The following GTF2IRD1 variants were observed in gnomAD, a reference collection of about 807,000 sequenced individuals.
GTF2IRD1 encodes general transcription factor II-I repeat domain-containing protein 1.
Under a neutral mutation model 113.2 loss-of-function variants are expected in GTF2IRD1, and 26 were observed. The observed-to-expected ratio is 0.23, with a 90% confidence interval of 0.17 to 0.32. The LOEUF is 0.32. GTF2IRD1 is among the 10% of genes least tolerant of loss of function. The pLI, the probability that GTF2IRD1 is intolerant of heterozygous loss-of-function variation, is 1.00. For missense variants in GTF2IRD1, 864 were observed against 1,280.8 expected, an observed-to-expected ratio of 0.67 and a Z score of 4.97; for synonymous variants, 484 against 529.1, an observed-to-expected ratio of 0.91 and a Z score of 1.17.
intron 22 of GTF2IRD1, among the ~76,000 whole-genome samples, chr7:74,573,413 A>T (rs1293278670): frequency 2.7e-4 from 41 of 152,106 alleles, no homozygotes; most frequent in Admixed American, 2.6e-3. Context: ...AAAAAAAAAA[A>T]AACGATTAAA....
At chr7:74,528,450 C>T (rs1797730263) in intron 8 of GTF2IRD1, among the ~76,000 whole-genome samples, 1 of 152,106 alleles carries the variant, frequency 6.6e-6, no homozygotes, top group Non-Finnish European at 1.5e-5. Context: ...CATTTCCCAA[C>T]AACTGTAGCC....
intron 1 of GTF2IRD1, among the ~76,000 whole-genome samples, chr7:74,499,210 C>T (rs1220940145): frequency 6.6e-6 from 1 of 152,228 alleles, no homozygotes; most frequent in African/African-American, 2.4e-5. Flanking sequence ...CCTACCAGGT[C>T]TCCAGCTCCT....
At chr7:74,491,118 C>T (rs1369252644) in intron 1 of GTF2IRD1, among the ~76,000 whole-genome samples, 2 of 151,412 alleles carry the variant, frequency 1.3e-5, no homozygotes, top group Non-Finnish European at 2.9e-5. Flanking sequence ...CCATTCTGGC[C>T]AACATGGTGA....
At chr7:74,490,821 G>A (rs1584507911) in intron 1 of GTF2IRD1, among the ~76,000 whole-genome samples, 2 of 152,218 alleles carry the variant, frequency 1.3e-5, no homozygotes, top group East Asian at 3.9e-4. Context: ...GCGCTTCCAA[G>A]GGGGAAGAGA....
rs78461626 is a variant in GTF2IRD1 at position 74,535,568 on chromosome 7, C to T, written c.1300+430C>T. On this transcript the variant is annotated intron_variant, in intron 10 of 26. Transcript: ENST00000424337. ...CCCTGCTGCATGCCCAGCAGTGTGA[C>T]TCCAGAGCCCATGCAGTGGCCCGTG... 2.6e-4 allele frequency among the ~76,000 whole-genome samples: 39 copies of T among 152,352 alleles called. No individual in the cohort carries two copies. In the East Asian group the frequency reaches 3.5e-3, roughly 14 times the overall value.
intron 22 of GTF2IRD1, among the ~76,000 whole-genome samples, chr7:74,578,066 A>G (rs1412338732): frequency 3.9e-5 from 6 of 152,150 alleles, no homozygotes; most frequent in Non-Finnish European, 7.4e-5. Flanking sequence ...CGGCCTCCCA[A>G]AGTGCTGAGA....
At chr7:74,502,619 G>C (rs1796089553) in intron 1 of GTF2IRD1, among the ~76,000 whole-genome samples, 1 of 152,240 alleles carries the variant, frequency 6.6e-6, no homozygotes, top group African/African-American at 2.4e-5. Context: ...GCCCTGCCTT[G>C]AGTCAGGGCA....
intron 1 of GTF2IRD1, among the ~76,000 whole-genome samples, chr7:74,470,430 AC>A (rs1554332035): frequency 6.7e-6 from 1 of 150,298 alleles, no homozygotes; most frequent in Admixed American, 6.7e-5. Flanking sequence ...ATTCCCCAGC[AC>A]CCCCCACTCC....
intron 16 of GTF2IRD1, 44 bp downstream of exon 16, chr7:74,545,853 C>G (rs782708651): frequency 7.1e-7 from 1 of 1,407,404 alleles, no homozygotes; most frequent in African/African-American, 1.4e-5. Context: ...CCCGGCCCCC[C>G]TCCAGCCGCC....
At chr7:74,481,292 C>T (rs782405804) in intron 1 of GTF2IRD1, among the ~76,000 whole-genome samples, 2 of 152,128 alleles carry the variant, frequency 1.3e-5, no homozygotes, top group African/African-American at 2.4e-5. Context: ...GTAGCTGTGA[C>T]GACAGGCGCG....
At position 74,595,409 on chromosome 7, in the gene GTF2IRD1, A is replaced by G. The variant is rs374832390; in HGVS notation, c.2629+358A>G. 4.6e-4 allele frequency among the ~76,000 whole-genome samples: 70 copies of G among 151,504 alleles called. No individual in the cohort carries two copies. In the Middle Eastern group the frequency reaches 0.01, roughly 22 times the overall value. ...TGACAGAGCAAGACTCCATCTCGAA[A>G]AAAAGAAAAAAAGAAAGAAAGAAAA... On this transcript the variant is annotated intron_variant, in intron 25 of 26. Coordinates refer to ENST00000424337, the MANE Select transcript of GTF2IRD1 (RefSeq NM_005685.4).
chr7:74,482,328 A>G (rs1794790925), intron 1 of GTF2IRD1, among the ~76,000 whole-genome samples: 1 of 150,642 alleles, frequency 6.6e-6, no homozygotes, highest in Non-Finnish European at 1.5e-5. Context: ...CATGGGATCA[A>G]GTGATCCTCC....
chr7:74,591,103 A>T (rs1802032625), intron 24 of GTF2IRD1, 86 bp downstream of exon 24: 3 of 836,332 alleles, frequency 3.6e-6, no homozygotes, highest in South Asian at 3.2e-5. Context: ...GTCAGCTGGG[A>T]TCCAGACCCA....
intron 25 of GTF2IRD1, among the ~76,000 whole-genome samples, chr7:74,599,046 G>A (rs1352284709): frequency 1.3e-5 from 2 of 152,104 alleles, no homozygotes; most frequent in Non-Finnish European, 2.9e-5. Context: ...TGTAATCCCA[G>A]CACTTTGGGA....
At chr7:74,562,551 C>T (rs1386229199) in intron 22 of GTF2IRD1, among the ~76,000 whole-genome samples, 1 of 136,318 alleles carries the variant, frequency 7.3e-6, no homozygotes, top group Non-Finnish European at 1.5e-5. Flanking sequence ...CCGCCAATTG[C>T]CCTCTTTTTT....
intron 2 of GTF2IRD1, among the ~76,000 whole-genome samples, chr7:74,511,914 G>A (rs782125631): frequency 3.3e-5 from 5 of 152,160 alleles, no homozygotes; most frequent in Non-Finnish European, 7.3e-5. Flanking sequence ...TGCAGACCTC[G>A]ACTCTGGGGC....
intron 22 of GTF2IRD1, among the ~76,000 whole-genome samples, chr7:74,567,632 A>G (rs1554361048): frequency 6.6e-6 from 1 of 152,152 alleles, no homozygotes. Context: ...AGTAAAGACT[A>G]ACTTGCCCTT....
chr7:74,499,053 A>G lies in GTF2IRD1; in HGVS notation c.-6-9022A>G, dbSNP rs1209530362. Among the ~76,000 whole-genome samples, 3 of 152,198 alleles carry G rather than the reference A, an allele frequency of 2.0e-5. No individual in the cohort carries two copies. The East Asian group carries it at 5.8e-4, about 29-fold the overall frequency. ...CCTGGTCCTGTAATTCTCTCTGGAC[A>G]CACTGGCCCTGTGAGCTGGAGGAGG... is the stretch of plus-strand genomic sequence containing the variant. On this transcript the variant is annotated intron_variant, in intron 1 of 26. Coordinates refer to ENST00000424337, the MANE Select transcript of GTF2IRD1 (RefSeq NM_005685.4).
chr7:74,479,173 G>A (rs1457525367), intron 1 of GTF2IRD1, among the ~76,000 whole-genome samples: 2 of 152,062 alleles, frequency 1.3e-5, no homozygotes, highest in Admixed American at 6.5e-5. Context: ...CAGTTCCTCC[G>A]CCGTAGCTTC....
Sources: gnomAD v4.1 joint callset for allele counts (sites outside exome capture counted in the v4.1 genomes callset) on GRCh38, gnomAD v4.1.1 for gene constraint, MANE v1.5 for transcripts, NCBI Gene and HGNC (gene_info 2026-07-23, HGNC 2026-07-21) for gene names.